Variants in PCDH9 observed in about 807,000 individuals in gnomAD.
The protein encoded by PCDH9 is protocadherin-9.
A neutral mutation model predicts 70.6 loss-of-function variants in PCDH9; 24 were observed. The observed-to-expected ratio is 0.34, with a 90% CI of 0.25 to 0.48. PCDH9 has a LOEUF of 0.48. Ranked by LOEUF, PCDH9 falls within the 20% of genes least tolerant of loss-of-function variation. PCDH9 has a pLI of 0.99. For synonymous variants in PCDH9, 562 were observed against 558.5 expected (o/e 1.01, Z -0.09); for missense variants, 1,281 against 1,503.6 (o/e 0.85, Z 2.45).
intron 2 of PCDH9, among the ~76,000 whole-genome samples, chr13:67,080,877 A>T (rs1056202187): frequency 3.3e-5 from 5 of 152,190 alleles, no homozygotes; most frequent in African/African-American, 7.2e-5. Flanking sequence ...GATAACATGT[A>T]TTGTTACATA....
intron 4 of PCDH9, among the ~76,000 whole-genome samples, chr13:66,332,294 A>C (rs890040143): frequency 6.6e-6 from 1 of 152,154 alleles, no homozygotes. Context: ...GCCAGAGAGC[A>C]TACACCATGT....
rs138850895 is a variant in PCDH9, at chr13:66,330,607, C to G, written c.3341-25579G>C. Among the ~76,000 whole-genome samples the G allele has an allele frequency of 4.7e-4, 71 of 151,528 alleles. No individual in the cohort carries two copies. The East Asian group carries it at 0.013, about 29-fold the overall frequency. On this transcript the variant is annotated intron_variant, in intron 4 of 4. Coordinates refer to ENST00000377865, the MANE Select transcript of PCDH9 (RefSeq NM_203487.3). Reference sequence around the variant, plus strand: ...TGTGTGGGGGTGGGGGAAAGCCCAGCCTTAAAAGAAAAGATCAAGGACAAA... The same window carrying G: ...TGTGTGGGGGTGGGGGAAAGCCCAGGCTTAAAAGAAAAGATCAAGGACAAA...
At chr13:66,689,132 T>C (rs2078446698) in intron 3 of PCDH9, among the ~76,000 whole-genome samples, 1 of 152,182 alleles carries the variant, frequency 6.6e-6, no homozygotes, top group Admixed American at 6.5e-5. Context: ...AATTCTGCTT[T>C]CATTTTCAAA....
intron 4 of PCDH9, among the ~76,000 whole-genome samples, chr13:66,535,193 G>GA (rs1409845033): frequency 6.6e-6 from 1 of 151,850 alleles, no homozygotes; most frequent in East Asian, 1.9e-4. Context: ...TGAAACACTA[G>GA]AAAATGGAAA....
chr13:67,032,623 T>C (rs1473865379), intron 2 of PCDH9, among the ~76,000 whole-genome samples: 2 of 152,244 alleles, frequency 1.3e-5, no homozygotes, highest in Admixed American at 1.3e-4. Context: ...TTTTTATATG[T>C]TATTAGCACA....
intron 2 of PCDH9, among the ~76,000 whole-genome samples, chr13:67,116,032 C>A (rs562995872): frequency 6.6e-6 from 1 of 152,216 alleles, no homozygotes; most frequent in South Asian, 2.1e-4. Flanking sequence ...CCTCCAAGTA[C>A]CCATTTCATA....
At chr13:66,775,614 C>A (rs1306053736) in intron 3 of PCDH9, among the ~76,000 whole-genome samples, 1 of 152,082 alleles carries the variant, frequency 6.6e-6, no homozygotes, top group Non-Finnish European at 1.5e-5. Context: ...TCCACTTAAC[C>A]GATAATAAAT....
At chr13:66,434,251 C>G (rs1006470339) in intron 4 of PCDH9, among the ~76,000 whole-genome samples, 3 of 151,846 alleles carry the variant, frequency 2.0e-5, no homozygotes, top group African/African-American at 7.2e-5. Context: ...TACTCTTTAA[C>G]TTACAAACAA....
chr13:67,059,887 T>A (rs2085503590), intron 2 of PCDH9, among the ~76,000 whole-genome samples: 1 of 150,506 alleles, frequency 6.6e-6, no homozygotes, highest in East Asian at 2.0e-4. Flanking sequence ...TTTTTGTTGT[T>A]TTTTTTTTTT....
At chr13:67,224,965 T>G in intron 2 of PCDH9, 1 of 1,012,252 alleles carries the variant, frequency 9.9e-7, no homozygotes, top group Non-Finnish European at 1.2e-6. Flanking sequence ...CAACCATAGC[T>G]GCAACATAAT....
chr13:66,720,240 G>A (rs2078923890), intron 3 of PCDH9, among the ~76,000 whole-genome samples: 1 of 151,748 alleles, frequency 6.6e-6, no homozygotes, highest in Non-Finnish European at 1.5e-5. Flanking sequence ...GCAACCTCCA[G>A]GTTCAAGTGA....
intron 4 of PCDH9, among the ~76,000 whole-genome samples, chr13:66,550,863 G>A (rs1961454793): frequency 6.6e-6 from 1 of 152,114 alleles, no homozygotes; most frequent in African/African-American, 2.4e-5. Flanking sequence ...ACACGCTAGA[G>A]AGACATTGTA....
chr13:67,033,101 G>A (rs1323441275), intron 2 of PCDH9, among the ~76,000 whole-genome samples: 3 of 151,708 alleles, frequency 2.0e-5, no homozygotes, highest in South Asian at 2.1e-4. Flanking sequence ...TTTCTACATC[G>A]AGGCACAGAC....
At chr13:67,178,643 T>C (rs569551239) in intron 2 of PCDH9, among the ~76,000 whole-genome samples, 7 of 152,082 alleles carry the variant, frequency 4.6e-5, no homozygotes, top group Non-Finnish European at 1.0e-4. Flanking sequence ...GCCACTCTTA[T>C]TCACCCCAGG....
At chr13:66,617,378 C>T (rs80100331) in intron 4 of PCDH9, among the ~76,000 whole-genome samples, 4,684 of 152,264 alleles carry the variant, frequency 0.031, 118 homozygotes, top group South Asian at 0.071. Context: ...CCGTCTGTAC[C>T]TCTTCCGAAT....
intron 3 of PCDH9, among the ~76,000 whole-genome samples, chr13:66,770,606 A>C (rs1156468177): frequency 6.6e-6 from 1 of 152,152 alleles, no homozygotes; most frequent in East Asian, 1.9e-4. Context: ...ACAAGTGATC[A>C]GTGGTGGGCA....
chr13:66,420,997 G>C (rs1452157720), intron 4 of PCDH9, among the ~76,000 whole-genome samples: 1 of 151,912 alleles, frequency 6.6e-6, no homozygotes, highest in African/African-American at 2.4e-5. Flanking sequence ...TAAATGACCT[G>C]ATGGTGCTGC....
chr13:66,929,858 C>T (rs2082778430), intron 2 of PCDH9, among the ~76,000 whole-genome samples: 1 of 152,070 alleles, frequency 6.6e-6, no homozygotes, highest in Admixed American at 6.6e-5. Flanking sequence ...TTTGTAATTT[C>T]TGGCAGTAAA....
intron 4 of PCDH9, among the ~76,000 whole-genome samples, chr13:66,306,537 A>T (rs1424507040): frequency 1.3e-5 from 2 of 151,268 alleles, no homozygotes; most frequent in Non-Finnish European, 2.9e-5. Context: ...AACTATTGAT[A>T]TAAAAAAATT....
Sources: allele counts gnomAD v4.1 joint callset (sites outside exome capture counted in the v4.1 genomes callset), GRCh38; gene constraint gnomAD v4.1.1; transcripts MANE v1.5; gene names NCBI Gene and HGNC (gene_info 2026-07-23, HGNC 2026-07-21).